CNBD1: variants seen among roughly 807,000 people sequenced by gnomAD.
CNBD1 encodes cyclic nucleotide-binding domain-containing protein 1.
A neutral mutation model predicts 54.4 loss-of-function variants in CNBD1; 71 were observed. The ratio of observed to expected loss-of-function variants is 1.30; its 90% CI spans 1.08 to 1.59. The LOEUF (loss-of-function observed/expected upper bound fraction) is 1.59. Among genes scored for constraint, CNBD1 ranks in the 40% most tolerant of loss-of-function variants. CNBD1 has a pLI of 0.00. For synonymous variants in CNBD1, 182 were observed against 170.7 expected, an observed-to-expected ratio of 1.07 and a Z score of -0.51; for missense variants, 659 against 518.0, an observed-to-expected ratio of 1.27 and a Z score of -2.64.
chr8:86,965,328 G>T (rs986826019), intron 4 of CNBD1, among the ~76,000 whole-genome samples: 1 of 152,126 alleles, frequency 6.6e-6, no homozygotes, highest in South Asian at 2.1e-4. Context: ...TAACACCAAG[G>T]TGTAGCCTCA....
In CNBD1 at chr8:87,237,108, C is replaced by A; in HGVS notation, c.767C>A (p.Ser256Ter). The A allele has an allele frequency of 6.3e-7, 1 of 1,590,810 alleles. No homozygotes were observed. Among genetic ancestry groups the A allele is most frequent in the Non-Finnish European group, 8.6e-7 (1 of 1,165,454 alleles). ...LAEMYLPSYD[S>*]MLSKWSTFGT... ...GAGATGTACCTACCTTCATATGACTCAATGGTAAGAGATGAGTATTTGCTT... is the reference window on the plus strand; with the variant it reads ...GAGATGTACCTACCTTCATATGACTAAATGGTAAGAGATGAGTATTTGCTT... The change falls in exon 6 of 11, where the codon TCA (serine) becomes TAA (stop). Residue 256 changes from serine to a stop codon, truncating the protein, a stop_gained. Coordinates refer to ENST00000518476, the MANE Select transcript of CNBD1 (RefSeq NM_173538.3). LOFTEE classifies it high-confidence loss of function.
chr8:87,202,301 T>C (rs946838177), intron 4 of CNBD1, among the ~76,000 whole-genome samples: 1 of 152,066 alleles, frequency 6.6e-6, no homozygotes, highest in African/African-American at 2.4e-5. Flanking sequence ...ATAGACCAAA[T>C]TGATAGAAAA....
chr8:87,045,733 A>AAAC (rs1348851724), intron 4 of CNBD1, among the ~76,000 whole-genome samples: 1 of 146,768 alleles, frequency 6.8e-6, no homozygotes, highest in African/African-American at 2.6e-5. Context: ...TCAAAAAAAA[A>AAAC]AAAAAAAAAA....
intron 4 of CNBD1, among the ~76,000 whole-genome samples, chr8:87,173,146 A>G (rs1813123928): frequency 6.6e-6 from 1 of 152,204 alleles, no homozygotes; most frequent in Non-Finnish European, 1.5e-5. Context: ...CAAATTAACT[A>G]TGAAGCAAAA....
At chr8:86,911,155 AG>A (rs1675585165) in intron 3 of CNBD1, among the ~76,000 whole-genome samples, 1 of 152,230 alleles carries the variant, frequency 6.6e-6, no homozygotes, top group African/African-American at 2.4e-5. Context: ...CCTGGTTTCC[AG>A]GTAGCCCTTT....
intron 2 of CNBD1, among the ~76,000 whole-genome samples, chr8:87,394,152 T>A (rs570520672): frequency 1.0e-3 from 159 of 152,080 alleles, no homozygotes; most frequent in Non-Finnish European, 1.9e-3. Context: ...GAATATTTTA[T>A]GAGCATGTTA....
intron 8 of CNBD1, among the ~76,000 whole-genome samples, chr8:87,322,878 C>G (rs890960180): frequency 6.8e-5 from 8 of 117,752 alleles, no homozygotes; most frequent in African/African-American, 2.6e-4. Context: ...AAGTCCTTGC[C>G]CATGCCTAGG....
At chr8:87,263,196 G>C (rs756557595) in intron 6 of CNBD1, among the ~76,000 whole-genome samples, 1 of 152,046 alleles carries the variant, frequency 6.6e-6, no homozygotes, top group African/African-American at 2.4e-5. Flanking sequence ...ATTTACTTTA[G>C]TGTCCTTGTC....
At chr8:87,389,604 A>T (rs936765851) in intron 2 of CNBD1, among the ~76,000 whole-genome samples, 2 of 152,186 alleles carry the variant, frequency 1.3e-5, no homozygotes, top group African/African-American at 4.8e-5. Flanking sequence ...ATAAAAGAGG[A>T]TACAAACAAA....
At chr8:86,983,935 G>A (rs151043492) in intron 4 of CNBD1, among the ~76,000 whole-genome samples, 3 of 152,256 alleles carry the variant, frequency 2.0e-5, no homozygotes, top group Admixed American at 1.3e-4. Context: ...AGTAATGAGA[G>A]GTTTAGCATT....
intron 4 of CNBD1, among the ~76,000 whole-genome samples, chr8:87,072,674 C>T (rs1281473561): frequency 6.6e-6 from 1 of 151,544 alleles, no homozygotes; most frequent in African/African-American, 2.4e-5. Flanking sequence ...GCTGAGAGGT[C>T]TTCCGTTAGT....
chr8:87,320,263 T>C (rs1425745288), intron 8 of CNBD1, among the ~76,000 whole-genome samples: 1 of 152,160 alleles, frequency 6.6e-6, no homozygotes, highest in East Asian at 1.9e-4. Flanking sequence ...TAATTGTGTT[T>C]TGTGCATGAT....
intron 4 of CNBD1, among the ~76,000 whole-genome samples, chr8:87,045,089 C>T (rs548074843): frequency 2.6e-5 from 4 of 152,214 alleles, no homozygotes; most frequent in Admixed American, 6.5e-5. Context: ...GGTGTTGTGT[C>T]GAGAACACCA....
At chr8:87,248,009 C>T (rs1807842113) in intron 6 of CNBD1, among the ~76,000 whole-genome samples, 1 of 152,318 alleles carries the variant, frequency 6.6e-6, no homozygotes, top group Middle Eastern at 3.4e-3. Flanking sequence ...TGCATACTTA[C>T]ACAAAATGAC....
At chr8:86,982,920 T>TCCAC (rs1808520540) in intron 4 of CNBD1, among the ~76,000 whole-genome samples, 1 of 152,216 alleles carries the variant, frequency 6.6e-6, no homozygotes, top group Non-Finnish European at 1.5e-5. Flanking sequence ...ATTATCTTTC[T>TCCAC]CCACTTATTT....
chr8:87,099,716 T>C (rs189315311), intron 4 of CNBD1, among the ~76,000 whole-genome samples: 17 of 152,300 alleles, frequency 1.1e-4, no homozygotes, highest in Admixed American at 1.0e-3. Flanking sequence ...AAGAAAACAG[T>C]TTAAACATGT....
At chr8:87,116,642 A>C (rs912491708) in intron 4 of CNBD1, among the ~76,000 whole-genome samples, 17 of 152,142 alleles carry the variant, frequency 1.1e-4, no homozygotes, top group African/African-American at 4.1e-4. Context: ...CTGTCAGTCA[A>C]ATCTGTGTTC....
chr8:86,986,311 C>A (rs1017837987), intron 4 of CNBD1, among the ~76,000 whole-genome samples: 4 of 152,082 alleles, frequency 2.6e-5, no homozygotes, highest in Non-Finnish European at 2.9e-5. Context: ...TGTATGTCTT[C>A]TTTTAAGAAG....
chr8:87,375,915 T>G (rs530965677), intron 10 of CNBD1, among the ~76,000 whole-genome samples: 2 of 152,076 alleles, frequency 1.3e-5, no homozygotes, highest in East Asian at 3.9e-4. Flanking sequence ...ACTCAGACTA[T>G]GTTGATAAAA....
Sources: allele counts gnomAD v4.1 joint callset (sites outside exome capture counted in the v4.1 genomes callset), GRCh38; gene constraint gnomAD v4.1.1; transcripts MANE v1.5; gene names NCBI Gene and HGNC (gene_info 2026-07-23, HGNC 2026-07-21).